Variants in MCM3 observed in about 807,000 individuals in gnomAD.
MCM3 encodes minichromosome maintenance complex component 3, also known as DNA replication licensing factor MCM3.
In MCM3, 59 loss-of-function variants were observed where a neutral mutation model predicts 91.3. That is an observed-to-expected ratio of 0.65 (90% confidence interval 0.52 to 0.80). The LOEUF is 0.80. Ranked by LOEUF, MCM3 falls within the 30% of genes least tolerant of loss-of-function variation. MCM3 has a pLI of 0.00. For missense variants in MCM3, 919 were observed against 1,035.4 expected (o/e 0.89, Z 1.54); for synonymous variants, 383 against 379.6 (o/e 1.01, Z -0.10).
At chr6:52,274,044 G>GA in intron 9 of MCM3, 128 bp from the exon 10 acceptor site, 1 of 662,866 alleles carries the variant, frequency 1.5e-6, no homozygotes, top group East Asian at 2.8e-5. Flanking sequence ...AAAAAGCAGT[G>GA]AAAAAGGGAA....
At chr6:52,280,650 A>C (rs1454081169) in intron 4 of MCM3, among the ~76,000 whole-genome samples, 1 of 152,260 alleles carries the variant, frequency 6.6e-6, no homozygotes, top group Non-Finnish European at 1.5e-5. Flanking sequence ...TCAAGTAAAG[A>C]AGCTTGGCCA....
intron 16 of MCM3, chr6:52,265,316 G>T: frequency 2.3e-6 from 1 of 431,704 alleles, no homozygotes. Context: ...CTTTTGGGAG[G>T]CTCAGGTAGA....
chr6:52,266,704 AC>A lies in MCM3; in HGVS notation c.2073-9del. On this transcript the variant is annotated splice_polypyrimidine_tract_variant and intron_variant, in intron 14 of 16. Coordinates refer to ENST00000596288, the MANE Select transcript of MCM3 (RefSeq NM_002388.6). ...GGCTGGCGAGTCTTCCTTCTAAAAT[AC>A]CCACAGCAGTTAAGAGAGAGAAAGA... 1 of 1,610,412 alleles carries A rather than the reference AC, an allele frequency of 6.2e-7. No homozygotes were observed. The highest frequency in any genetic ancestry group is 1.1e-5 in the South Asian group (1 of 91,010).
intron 12 of MCM3, among the ~76,000 whole-genome samples, chr6:52,271,774 A>C (rs933278160): frequency 2.0e-5 from 3 of 152,232 alleles, no homozygotes; most frequent in Admixed American, 6.5e-5. Flanking sequence ...AGTCCAGTCC[A>C]AATATCATAC....
intron 3 of MCM3, 125 bp downstream of exon 3, chr6:52,282,528 T>A: frequency 1.2e-6 from 1 of 812,294 alleles, no homozygotes; most frequent in Non-Finnish European, 2.0e-6. Flanking sequence ...CCTCCAAGTT[T>A]TACCACGTAA....
rs1427660730 is a variant in MCM3, at chr6:52,267,846, T to A, written c.2072+19A>T. 1.1e-6 allele frequency: 1 copy of A among 900,154 alleles called. No individual in the cohort carries two copies. Among genetic ancestry groups the A allele is most frequent in the East Asian group, 2.6e-5 (1 of 38,098 alleles). 55.8% of individuals were successfully genotyped at this position (900,154 alleles called of 1,614,324 possible). A position where few individuals can be genotyped will look rare whatever the true frequency, so the allele number is the denominator to read the frequency against. Reference sequence around the variant, plus strand: ...CTTGGCCACTAACTTTTTAATCTCATTTGCTTGCCCCACCTTACCTCTTCC... The same window carrying A: ...CTTGGCCACTAACTTTTTAATCTCAATTGCTTGCCCCACCTTACCTCTTCC... On this transcript the variant is annotated intron_variant, in intron 14 of 16. Coordinates refer to ENST00000596288, the MANE Select transcript of MCM3 (RefSeq NM_002388.6).
chr6:52,278,920 C>A (rs954672694), intron 5 of MCM3, 70 bp from the exon 6 acceptor site: 14 of 1,108,418 alleles, frequency 1.3e-5, no homozygotes, highest in Middle Eastern at 2.0e-4. Context: ...GTACCCCTAG[C>A]AGGAGTAAGC....
intron 10 of MCM3, 49 bp from the exon 11 acceptor site, chr6:52,273,405 A>G (rs1170252601): frequency 6.3e-7 from 1 of 1,598,528 alleles, no homozygotes; most frequent in Admixed American, 1.7e-5. Flanking sequence ...AGTTTAACCC[A>G]GGGGAAATTG....
Position 52,267,939 on chromosome 6 carries a change from C to A in MCM3, c.1998G>T (p.Lys666Asn). Reference sequence around the variant, plus strand: ...CTGTCTCTGATTCATCCTCACTTCGCTTCTTACGTTTCTTCTCCTTCTCCA... The same window carrying A: ...CTGTCTCTGATTCATCCTCACTTCGATTCTTACGTTTCTTCTCCTTCTCCA... ...KVLEKEKKRK[K>N]RSEDESETED... Residue 666 changes from lysine (K) to asparagine (N), a missense_variant, in exon 14 of 17, where the codon AAG (lysine) becomes AAT (asparagine). This residue lies in a region of MCM3 where 285 missense variants were observed against 311.4 expected (regional missense o/e 0.92). Coordinates refer to ENST00000596288, the MANE Select transcript of MCM3 (RefSeq NM_002388.6). The A allele has an allele frequency of 6.2e-6, 10 of 1,604,494 alleles. No homozygotes were observed. The highest frequency in any genetic ancestry group is 8.5e-6 in the Non-Finnish European group (10 of 1,171,270).
intron 16 of MCM3, chr6:52,265,240 A>G: frequency 2.4e-6 from 1 of 411,952 alleles, no homozygotes; most frequent in Non-Finnish European, 4.9e-6. Flanking sequence ...CATACCATGG[A>G]AACCCTGCAG....
intron 9 of MCM3, 139 bp from the exon 10 acceptor site, chr6:52,274,055 G>A: frequency 1.6e-6 from 1 of 625,416 alleles, no homozygotes; most frequent in Non-Finnish European, 2.7e-6. Flanking sequence ...AAAAAGGGAA[G>A]TGTTTTAAAG....
intron 6 of MCM3, among the ~76,000 whole-genome samples, chr6:52,278,127 T>C (rs1581737407): frequency 8.2e-6 from 1 of 121,490 alleles, no homozygotes; most frequent in Non-Finnish European, 1.7e-5. Flanking sequence ...CACAAACAGG[T>C]ACATTGTTCC....
In MCM3 at chr6:52,283,286, C is replaced by T; in HGVS notation, c.191+8G>A. On this transcript the variant is annotated splice_region_variant and intron_variant, in intron 2 of 16. Coordinates refer to ENST00000596288, the MANE Select transcript of MCM3 (RefSeq NM_002388.6). ...CACTGACAGCCAGTATATCCCCTTG[C>T]CTCTCACCGGTTAGCCCTCTTCTCG... The T allele has an allele frequency of 3.1e-6, 5 of 1,610,918 alleles. No individual in the cohort carries two copies. The South Asian group carries it at 4.4e-5, about 14-fold the overall frequency.
At chr6:52,272,149 A>T (rs1204931659) in intron 12 of MCM3, 152 bp downstream of exon 12, 4 of 700,052 alleles carry the variant, frequency 5.7e-6, no homozygotes, top group Admixed American at 3.3e-5. Flanking sequence ...TTCCTTTATA[A>T]AAGGAAATGA....
At chr6:52,275,144 G>T (rs573898070) in intron 9 of MCM3, among the ~76,000 whole-genome samples, 11 of 152,280 alleles carry the variant, frequency 7.2e-5, no homozygotes, top group African/African-American at 2.6e-4. Context: ...CTAAACCATA[G>T]CTACCAAGAG....
intron 4 of MCM3, 103 bp from the exon 5 acceptor site, chr6:52,279,702 T>A: frequency 2.2e-6 from 2 of 907,386 alleles, no homozygotes; most frequent in Non-Finnish European, 1.7e-6. Flanking sequence ...AATTTTATTA[T>A]TCAGTAACAA....
At chr6:52,284,304 A>C (rs1766444316) in intron 1 of MCM3, among the ~76,000 whole-genome samples, 1 of 152,210 alleles carries the variant, frequency 6.6e-6, no homozygotes, top group South Asian at 2.1e-4. Flanking sequence ...GAAATGCAAA[A>C]GGCCGAGGTG....
At chr6:52,281,297 C>T (rs768799641) in intron 4 of MCM3, among the ~76,000 whole-genome samples, 35 of 152,266 alleles carry the variant, frequency 2.3e-4, no homozygotes, top group Non-Finnish European at 4.4e-4. Flanking sequence ...AAAATTATAA[C>T]GTTGTTAAAA....
intron 4 of MCM3, among the ~76,000 whole-genome samples, chr6:52,280,704 G>A (rs1360037836): frequency 1.3e-5 from 2 of 152,156 alleles, no homozygotes; most frequent in African/African-American, 2.4e-5. Flanking sequence ...TCCTGAAGAG[G>A]AAATTCTAAA....
Sources: allele counts gnomAD v4.1 joint callset (sites outside exome capture counted in the v4.1 genomes callset), GRCh38; gene constraint gnomAD v4.1.1; regional missense constraint gnomAD v4.1.1; transcripts MANE v1.5; gene names NCBI Gene and HGNC (gene_info 2026-07-23, HGNC 2026-07-21).